The following SFMBT1 variants were observed in gnomAD, a reference collection of about 807,000 sequenced individuals.
SFMBT1 encodes the protein scm-like with four MBT domains protein 1.
Under a neutral mutation model 108.7 loss-of-function variants are expected in SFMBT1, and 32 were observed. The observed-to-expected ratio is 0.29, with a 90% CI of 0.22 to 0.40. The LOEUF (loss-of-function observed/expected upper bound fraction) is 0.40, where lower values mean the gene tolerates loss of function less well. SFMBT1 is among the 10% of genes least tolerant of loss of function. SFMBT1 has a pLI of 1.00. For synonymous variants in SFMBT1, 348 were observed against 369.5 expected, an observed-to-expected ratio of 0.94 and a Z score of 0.67; for missense variants, 816 against 1,059.6, an observed-to-expected ratio of 0.77 and a Z score of 3.19.
chr3:52,907,497 C>G (rs1702095852), intron 18 of SFMBT1, 58 bp downstream of exon 18: 2 of 1,569,332 alleles, frequency 1.3e-6, no homozygotes, highest in Non-Finnish European at 1.7e-6. Flanking sequence ...TGTGTCCATA[C>G]TATAAAGCAG....
chr3:53,011,618 T>A (rs924692836), intron 1 of SFMBT1, among the ~76,000 whole-genome samples: 1 of 152,166 alleles, frequency 6.6e-6, no homozygotes, highest in African/African-American at 2.4e-5. Context: ...GTCAAAGGAT[T>A]GAGCCTAAGA....
chr3:52,982,534 GC>G, intron 1 of SFMBT1, among the ~76,000 whole-genome samples: 1 of 152,064 alleles, frequency 6.6e-6, no homozygotes, highest in East Asian at 1.9e-4. Context: ...TTCCAGACAG[GC>G]CTGGCCAACA....
Position 52,961,460 on chromosome 3 carries a change from G to A in SFMBT1, c.29-7049C>T, listed in dbSNP as rs190277693. On this transcript the variant is annotated intron_variant, in intron 2 of 20. Transcript: ENST00000394752. ...CCAGCTACTCAGGGGGCTGAAGCAA[G>A]AGAACCGCTTGATCCCAGGAGTTCA... Among the ~76,000 whole-genome samples, 105 of 151,822 alleles carry A rather than the reference G, an allele frequency of 6.9e-4. 1 individual carries two copies. In the Middle Eastern group the frequency reaches 0.014, roughly 20 times the overall value.
chr3:52,980,368 G>A (rs1031375166), intron 1 of SFMBT1, among the ~76,000 whole-genome samples: 1 of 152,032 alleles, frequency 6.6e-6, no homozygotes, highest in Non-Finnish European at 1.5e-5. Flanking sequence ...ATCTCCACGT[G>A]GGCAATTCGT....
At position 52,943,336 on chromosome 3, in the gene SFMBT1, A is replaced by G. The variant is rs1703248482; in HGVS notation, c.364+17T>C. 1 of 1,613,872 alleles carries G rather than the reference A, an allele frequency of 6.2e-7. No individual in the cohort carries two copies. The highest frequency in any genetic ancestry group is 1.3e-5 in the African/African-American group (1 of 74,952). On this transcript the variant is annotated intron_variant, in intron 4 of 20. Coordinates refer to ENST00000394752, the MANE Select transcript of SFMBT1 (RefSeq NM_016329.4). ...CAGTAAAATCACGTCACGTCTTGAT[A>G]GGAAGTATTTCATTACCTTCTGGGG...
intron 1 of SFMBT1, among the ~76,000 whole-genome samples, chr3:53,028,586 C>T (rs1699574656): frequency 6.6e-6 from 1 of 151,662 alleles, no homozygotes; most frequent in Admixed American, 6.6e-5. Context: ...GATGGGAAAA[C>T]AGCTTGAGTC....
chr3:53,040,386 G>T (rs559484117), intron 1 of SFMBT1, among the ~76,000 whole-genome samples: 19 of 152,218 alleles, frequency 1.2e-4, no homozygotes, highest in Non-Finnish European at 2.5e-4. Context: ...TCTCATCCCA[G>T]CTCATGTTGT....
chr3:53,033,465 A>AT (rs1367115879), intron 1 of SFMBT1, among the ~76,000 whole-genome samples: 1 of 151,868 alleles, frequency 6.6e-6, no homozygotes, highest in African/African-American at 2.4e-5. Context: ...CCGGCCCAAC[A>AT]TTTTTTTAAT....
At chr3:52,916,655 C>A (rs551137408) in intron 13 of SFMBT1, among the ~76,000 whole-genome samples, 1 of 151,198 alleles carries the variant, frequency 6.6e-6, no homozygotes, top group East Asian at 1.9e-4. Context: ...GGCAACAAAG[C>A]AGGACTCTGT....
intron 12 of SFMBT1, among the ~76,000 whole-genome samples, chr3:52,918,830 C>G (rs1323417732): frequency 6.6e-6 from 1 of 151,870 alleles, no homozygotes; most frequent in African/African-American, 2.4e-5. Flanking sequence ...AAAGTTGGAC[C>G]CTTACCTCAG....
intron 12 of SFMBT1, among the ~76,000 whole-genome samples, chr3:52,919,910 A>G (rs1334413185): frequency 6.6e-6 from 1 of 152,212 alleles, no homozygotes; most frequent in Non-Finnish European, 1.5e-5. Flanking sequence ...TTATCCACCA[A>G]TGTGCTGGTA....
intron 1 of SFMBT1, among the ~76,000 whole-genome samples, chr3:52,977,417 A>C (rs959444992): frequency 2.6e-5 from 4 of 152,212 alleles, no homozygotes; most frequent in African/African-American, 9.6e-5. Context: ...AGGCTGAGGC[A>C]GAAGAATCGC....
rs570551613 is a variant in SFMBT1, at chr3:53,042,321, G to A, written c.-131+3495C>T. 4.6e-5 allele frequency among the ~76,000 whole-genome samples: 7 copies of A among 152,294 alleles called. 1 individual carries two copies. The South Asian group carries it at 1.5e-3, about 32-fold the overall frequency. On this transcript the variant is annotated intron_variant, in intron 1 of 20. Coordinates refer to ENST00000394752, the MANE Select transcript of SFMBT1 (RefSeq NM_016329.4). Reference sequence around the variant, plus strand: ...TATACTACAGAAGCAGGAAGATTATGGATAGGCAAATCATACTGGGTTGGT... The same window carrying A: ...TATACTACAGAAGCAGGAAGATTATAGATAGGCAAATCATACTGGGTTGGT...
chr3:53,011,641 T>C (rs1698947740), intron 1 of SFMBT1, among the ~76,000 whole-genome samples: 2 of 152,126 alleles, frequency 1.3e-5, no homozygotes, highest in Admixed American at 6.5e-5. Flanking sequence ...CATTTCAAAG[T>C]AGGAAATGAC....
chr3:52,955,177 C>T (rs1044824311), intron 2 of SFMBT1, among the ~76,000 whole-genome samples: 6 of 152,102 alleles, frequency 3.9e-5, no homozygotes, highest in East Asian at 1.9e-4. Flanking sequence ...CTTTGGGAGG[C>T]TGAGGTGGGC....
At chr3:52,925,577 A>T (rs1702634928) in intron 10 of SFMBT1, among the ~76,000 whole-genome samples, 1 of 152,236 alleles carries the variant, frequency 6.6e-6, no homozygotes, top group South Asian at 2.1e-4. Flanking sequence ...AACAGGAAGT[A>T]GTTATTTCTG....
At chr3:52,941,080 T>C (rs1429064494) in intron 4 of SFMBT1, among the ~76,000 whole-genome samples, 2 of 152,144 alleles carry the variant, frequency 1.3e-5, no homozygotes, top group African/African-American at 2.4e-5. Context: ...CTAAATGCAA[T>C]GTGATTCTAG....
intron 2 of SFMBT1, among the ~76,000 whole-genome samples, chr3:52,961,400 T>G (rs6770957): frequency 6.6e-6 from 1 of 151,954 alleles, no homozygotes; most frequent in African/African-American, 2.4e-5. Context: ...GCCAATAAAC[T>G]ATACACTTAA....
At position 52,907,318 on chromosome 3, in the gene SFMBT1, C is replaced by T; in HGVS notation, c.2086-4G>A. The T allele has an allele frequency of 6.2e-7, 1 of 1,609,046 alleles. No individual in the cohort carries two copies. Among genetic ancestry groups the T allele is most frequent in the Non-Finnish European group, 8.5e-7 (1 of 1,177,892 alleles). Reference sequence around the variant, plus strand: ...CCTCATCTTCACCCCCACTTCCCTGCAGGAAAAGGAGAGAAGTCTCATTGA... The same window carrying T: ...CCTCATCTTCACCCCCACTTCCCTGTAGGAAAAGGAGAGAAGTCTCATTGA... On this transcript the variant is annotated splice_polypyrimidine_tract_variant and splice_region_variant and intron_variant, in intron 18 of 20. Transcript: ENST00000394752.
Sources: gnomAD v4.1 joint callset for allele counts (sites outside exome capture counted in the v4.1 genomes callset) on GRCh38, gnomAD v4.1.1 for gene constraint, MANE v1.5 for transcripts, NCBI Gene and HGNC (gene_info 2026-07-23, HGNC 2026-07-21) for gene names.